DACH1: variants seen among roughly 807,000 people sequenced by gnomAD.
The protein encoded by DACH1 is dachshund homolog 1.
A neutral mutation model predicts 54.2 loss-of-function variants in DACH1; 12 were observed. That is an observed-to-expected ratio of 0.22 (90% CI 0.14 to 0.36). The LOEUF is 0.36. Among genes scored for constraint, DACH1 ranks in the 10% least tolerant of loss-of-function variants. The pLI, the probability that DACH1 is intolerant of heterozygous loss-of-function variation, is 1.00. For synonymous variants in DACH1, 386 were observed against 366.2 expected (o/e 1.05, Z -0.62); for missense variants, 805 against 929.8 (o/e 0.87, Z 1.75).
chr13:71,763,989 A>G (rs1199471880), intron 1 of DACH1, among the ~76,000 whole-genome samples: 2 of 152,186 alleles, frequency 1.3e-5, no homozygotes, highest in African/African-American at 4.8e-5. Flanking sequence ...CTTGTGCACA[A>G]CAATCTTGGG....
intron 7 of DACH1, among the ~76,000 whole-genome samples, chr13:71,483,337 C>T (rs2138190503): frequency 6.8e-6 from 1 of 146,890 alleles, no homozygotes; most frequent in South Asian, 2.1e-4. Flanking sequence ...AAGTCTTCTC[C>T]TAATTAATAT....
intron 1 of DACH1, among the ~76,000 whole-genome samples, chr13:71,795,343 G>C (rs913457633): frequency 2.0e-4 from 30 of 152,074 alleles, no homozygotes; most frequent in Non-Finnish European, 2.8e-4. Context: ...TTCACCTACA[G>C]AACTTCTTGA....
intron 10 of DACH1, among the ~76,000 whole-genome samples, chr13:71,462,538 G>A (rs1876172713): frequency 6.6e-6 from 1 of 151,758 alleles, no homozygotes; most frequent in African/African-American, 2.4e-5. Flanking sequence ...ATCATTGACT[G>A]AGGAGAATGC....
chr13:71,440,464 G>A lies in DACH1; in HGVS notation c.*191C>T. 1.9e-6 allele frequency: 1 copy of A among 521,312 alleles called. No homozygotes were observed. The highest frequency in any genetic ancestry group is 3.4e-6 in the Non-Finnish European group (1 of 298,350). 32.3% of individuals were successfully genotyped at this position (521,312 alleles called of 1,614,324 possible). On this transcript the variant is annotated 3_prime_UTR_variant, in exon 11 of 11. Coordinates refer to ENST00000613252, the MANE Select transcript of DACH1 (RefSeq NM_080759.6). ...ACAAACATTCTCAGGTCTCTGGTAT[G>A]AACCACAGGTGAAAATCAATGGAGA...
chr13:71,825,971 T>G (rs1041674993), intron 1 of DACH1, among the ~76,000 whole-genome samples: 2 of 152,086 alleles, frequency 1.3e-5, no homozygotes, highest in African/African-American at 4.8e-5. Flanking sequence ...AACAGCTGTA[T>G]CCATGCACAT....
Position 71,557,122 on chromosome 13 carries a change from A to G in DACH1, c.1472T>C (p.Leu491Pro). 6.2e-7 allele frequency: 1 copy of G among 1,612,376 alleles called. No homozygotes were observed. The highest frequency in any genetic ancestry group is 8.5e-7 in the Non-Finnish European group (1 of 1,179,260). ...HQNGLSMNQM[L>P]MGLSPNVLPG... ...AAGTACATTTGGTGATAAGCCCATC[A>G]GCATCTGGTTCATGGACAACCCATT... is the stretch of plus-strand genomic sequence containing the variant. Residue 491 changes from leucine to proline, a missense_variant, in exon 6 of 11, where the codon CTG (leucine) becomes CCG (proline). By Grantham distance (98) the Leu-to-Pro change is moderately conservative. This residue lies in a region of DACH1 where 472 missense variants were observed against 545.3 expected (regional missense o/e 0.87). Coordinates refer to ENST00000613252, the MANE Select transcript of DACH1 (RefSeq NM_080759.6).
chr13:71,732,854 T>C (rs1002904435), intron 1 of DACH1, among the ~76,000 whole-genome samples: 2 of 152,152 alleles, frequency 1.3e-5, no homozygotes, highest in South Asian at 2.1e-4. Context: ...CACTCCCCTA[T>C]AGGTTATTTC....
At chr13:71,720,702 T>C (rs1883192510) in intron 1 of DACH1, among the ~76,000 whole-genome samples, 1 of 152,180 alleles carries the variant, frequency 6.6e-6, no homozygotes, top group African/African-American at 2.4e-5. Flanking sequence ...TAGTCCTTCT[T>C]TGTCAATGCT....
chr13:71,728,356 T>C (rs1009606713), intron 1 of DACH1, among the ~76,000 whole-genome samples: 1 of 151,980 alleles, frequency 6.6e-6, no homozygotes, highest in African/African-American at 2.4e-5. Context: ...AACCTTAACA[T>C]CTCAGGTTAA....
In DACH1 at chr13:71,724,868, G is replaced by A. The variant is rs545329760; in HGVS notation, c.849-42958C>T. Reference sequence around the variant, plus strand: ...AAATATTTGGCAGTCTCAAACACTCGTCTTAGAAATGTTTCTTCATGGATG... The same window carrying A: ...AAATATTTGGCAGTCTCAAACACTCATCTTAGAAATGTTTCTTCATGGATG... On this transcript the variant is annotated intron_variant, in intron 1 of 10. Transcript: ENST00000613252. 5.3e-5 allele frequency among the ~76,000 whole-genome samples: 8 copies of A among 152,064 alleles called. No homozygotes were observed. In the South Asian group the frequency reaches 1.0e-3, roughly 20 times the overall value.
At chr13:71,680,671 A>G (rs1880847625) in intron 2 of DACH1, among the ~76,000 whole-genome samples, 1 of 152,224 alleles carries the variant, frequency 6.6e-6, no homozygotes, top group African/African-American at 2.4e-5. Context: ...TTAAATATAT[A>G]AAATGAACAA....
chr13:71,481,400 C>T (rs1290120385), intron 7 of DACH1, among the ~76,000 whole-genome samples: 1 of 152,190 alleles, frequency 6.6e-6, no homozygotes, highest in Admixed American at 6.5e-5. Flanking sequence ...TAATGTTAAA[C>T]TGCAACTCTA....
chr13:71,749,530 G>T (rs1006252407), intron 1 of DACH1, among the ~76,000 whole-genome samples: 4 of 152,066 alleles, frequency 2.6e-5, no homozygotes, highest in South Asian at 2.1e-4. Flanking sequence ...TTAGCACAGT[G>T]CTTGGCACAG....
At chr13:71,460,671 G>A (rs1443058121) in intron 10 of DACH1, among the ~76,000 whole-genome samples, 6 of 151,894 alleles carry the variant, frequency 4.0e-5, no homozygotes, top group African/African-American at 7.3e-5. Flanking sequence ...TTATATTAGT[G>A]GGTGTAAAAA....
chr13:71,772,181 G>GT (rs770928406), intron 1 of DACH1, among the ~76,000 whole-genome samples: 22 of 151,600 alleles, frequency 1.5e-4, no homozygotes, highest in Non-Finnish European at 3.1e-4. Flanking sequence ...ATGTTCTGAT[G>GT]TTTAAAAGGA....
intron 8 of DACH1, among the ~76,000 whole-genome samples, chr13:71,477,868 T>C (rs1249517104): frequency 2.0e-5 from 3 of 152,196 alleles, no homozygotes; most frequent in Admixed American, 6.5e-5. Flanking sequence ...TTGATAGTTA[T>C]TGCCTTGAAT....
chr13:71,481,666 A>C (rs1416185996), intron 7 of DACH1, among the ~76,000 whole-genome samples: 1 of 152,198 alleles, frequency 6.6e-6, no homozygotes, highest in African/African-American at 2.4e-5. Context: ...GTGTGAACAA[A>C]AATCTGTACT....
rs113200551 is a variant in DACH1 at position 71,822,013 on chromosome 13, A to T, written c.848+43909T>A. ...AAGGCAGAGGTTGCAGTGAACCGAGATCGCACCTCTGCACTCCAGCCTGGC... is the reference window on the plus strand; with the variant it reads ...AAGGCAGAGGTTGCAGTGAACCGAGTTCGCACCTCTGCACTCCAGCCTGGC... On this transcript the variant is annotated intron_variant, in intron 1 of 10. Transcript: ENST00000613252. 5.8e-3 allele frequency among the ~76,000 whole-genome samples: 882 copies of T among 152,206 alleles called. 7 individuals carry two copies. The highest frequency in any genetic ancestry group is 0.02 in the African/African-American group (844 of 41,502).
intron 5 of DACH1, among the ~76,000 whole-genome samples, chr13:71,558,824 T>G (rs141884508): frequency 0.012 from 1,794 of 152,176 alleles, 11 homozygotes; most frequent in Middle Eastern, 0.02. Flanking sequence ...CTTTAAATTA[T>G]CCACTTCAAT....
Sources: allele counts gnomAD v4.1 joint callset (sites outside exome capture counted in the v4.1 genomes callset), GRCh38; gene constraint gnomAD v4.1.1; regional missense constraint gnomAD v4.1.1; transcripts MANE v1.5; gene names NCBI Gene and HGNC (gene_info 2026-07-23, HGNC 2026-07-21).